KIF13B: variants seen among roughly 807,000 people sequenced by gnomAD.
The protein encoded by KIF13B is kinesin-like protein KIF13B.
KIF13B carries 127 observed loss-of-function variants against 222.0 expected under a neutral mutation model. The observed-to-expected ratio is 0.57, with a 90% confidence interval of 0.50 to 0.66. The LOEUF (loss-of-function observed/expected upper bound fraction) is 0.66, where lower values mean the gene tolerates loss of function less well. Among genes scored for constraint, KIF13B ranks in the 30% least tolerant of loss-of-function variants. The pLI is 0.00. For synonymous variants in KIF13B, 976 were observed against 919.0 expected, an observed-to-expected ratio of 1.06 and a Z score of -1.12; for missense variants, 2,173 against 2,379.0, an observed-to-expected ratio of 0.91 and a Z score of 1.80.
chr8:29,091,138 A>G (rs1808282034), intron 37 of KIF13B, among the ~76,000 whole-genome samples: 1 of 152,240 alleles, frequency 6.6e-6, no homozygotes, highest in Non-Finnish European at 1.5e-5. Context: ...AAAATTGCTT[A>G]TGAAATCTTC....
chr8:29,137,894 C>T (rs765360918), intron 21 of KIF13B, among the ~76,000 whole-genome samples: 4 of 152,194 alleles, frequency 2.6e-5, no homozygotes, highest in African/African-American at 4.8e-5. Flanking sequence ...ACTGAAGCGG[C>T]TCCCACTGGC....
chr8:29,140,213 G>A (rs1323275582), intron 20 of KIF13B, 22 bp from the exon 21 acceptor site: 2 of 1,612,838 alleles, frequency 1.2e-6, no homozygotes, highest in South Asian at 2.2e-5. Flanking sequence ...AGGGAAGGCA[G>A]AAACATTTCT....
At chr8:29,153,360 C>T (rs769042243) in intron 14 of KIF13B, among the ~76,000 whole-genome samples, 11 of 152,130 alleles carry the variant, frequency 7.2e-5, no homozygotes, top group Admixed American at 2.6e-4. Flanking sequence ...TTAAAGTCTT[C>T]GGTAACTTCC....
At chr8:29,245,464 CA>C in intron 1 of KIF13B, 25 bp from the exon 2 acceptor site, 1 of 1,493,232 alleles carries the variant, frequency 6.7e-7, no homozygotes, top group Non-Finnish European at 9.1e-7. Context: ...ACAAGAAAAA[CA>C]GTCATTTTAA....
In KIF13B at chr8:29,165,629, G is replaced by A. The variant is rs1325381734; in HGVS notation, c.1269+33C>T. ...GTCCCATTGTGCAAACTGCCATGAG[G>A]TTTCATGCGCTTCATCATCAGGAAA... On this transcript the variant is annotated intron_variant, in intron 12 of 39. Transcript: ENST00000524189. 7 of 1,419,096 alleles carry A rather than the reference G, an allele frequency of 4.9e-6. No individual in the cohort carries two copies. The East Asian group carries it at 1.1e-4, about 23-fold the overall frequency. The allele number at this position is 1,419,096 out of a possible 1,614,324, so 87.9% of individuals were successfully genotyped here.
At chr8:29,137,167 CCT>C (rs952812662) in intron 21 of KIF13B, among the ~76,000 whole-genome samples, 3 of 150,372 alleles carry the variant, frequency 2.0e-5, no homozygotes, top group African/African-American at 7.5e-5. Flanking sequence ...CATCTGAAAA[CCT>C]TTTTTTACCA....
In KIF13B at chr8:29,118,907, C is replaced by T; in HGVS notation, c.3621G>A (p.Glu1207=). ...GCTTCACAATCTGCAATTCAAAGAACTCCTCTTCTTCTTCCCCAGTCAAGG... is the reference window on the plus strand; with the variant it reads ...GCTTCACAATCTGCAATTCAAAGAATTCCTCTTCTTCTTCCCCAGTCAAGG... ...DATLTGEEEE[E]FFELQIVKQH... The change falls in exon 30 of 40, where the codon GAG becomes GAA. Residue 1207 remains glutamate, a synonymous_variant. Coordinates refer to ENST00000524189, the MANE Select transcript of KIF13B (RefSeq NM_015254.4). The T allele has an allele frequency of 6.2e-6, 10 of 1,613,934 alleles. No homozygotes were observed. Among genetic ancestry groups the T allele is most frequent in the Non-Finnish European group, 8.5e-6 (10 of 1,179,834 alleles).
At chr8:29,142,037 C>T in intron 19 of KIF13B, 120 bp downstream of exon 19, 1 of 669,312 alleles carries the variant, frequency 1.5e-6, no homozygotes, top group South Asian at 2.3e-5. Flanking sequence ...ATAAACCTTA[C>T]TCCAGAAATA....
intron 10 of KIF13B, among the ~76,000 whole-genome samples, chr8:29,171,937 T>C (rs1224146983): frequency 1.3e-5 from 2 of 151,424 alleles, no homozygotes; most frequent in Non-Finnish European, 2.9e-5. Flanking sequence ...TCTGTATTTT[T>C]AGTAGAGATG....
At chr8:29,126,591 T>C (rs1810120612) in intron 25 of KIF13B, 80 bp from the exon 26 acceptor site, 3 of 821,828 alleles carry the variant, frequency 3.7e-6, no homozygotes, top group East Asian at 2.7e-5. Flanking sequence ...TCTGACTCTT[T>C]ACCCATAATT....
intron 3 of KIF13B, among the ~76,000 whole-genome samples, chr8:29,193,169 C>T (rs372481363): frequency 6.6e-6 from 1 of 152,310 alleles, no homozygotes; most frequent in Non-Finnish European, 1.5e-5. Context: ...TGAAAGCAGA[C>T]CCCCAGCGGC....
At chr8:29,180,277 T>G in intron 7 of KIF13B, 39 bp from the exon 8 acceptor site, 1 of 1,604,810 alleles carries the variant, frequency 6.2e-7, no homozygotes, top group Non-Finnish European at 8.5e-7. Flanking sequence ...TTTCATTACT[T>G]GTGTAATACA....
intron 18 of KIF13B, among the ~76,000 whole-genome samples, chr8:29,142,876 C>T (rs1232611649): frequency 6.6e-6 from 1 of 151,334 alleles, no homozygotes; most frequent in Non-Finnish European, 1.5e-5. Context: ...TGTAAAGAGA[C>T]AGCATCTCAC....
At chr8:29,187,169 C>A (rs1021055927) in intron 5 of KIF13B, among the ~76,000 whole-genome samples, 1 of 152,106 alleles carries the variant, frequency 6.6e-6, no homozygotes, top group Non-Finnish European at 1.5e-5. Flanking sequence ...GACCCCAGAG[C>A]AAATTAACTC....
chr8:29,227,488 C>G (rs1322191561), intron 2 of KIF13B, among the ~76,000 whole-genome samples: 2 of 152,118 alleles, frequency 1.3e-5, no homozygotes, highest in Non-Finnish European at 2.9e-5. Context: ...TGGGGTTTCA[C>G]CATGTTGGAC....
chr8:29,165,013 A>C (rs1811931988), intron 12 of KIF13B, among the ~76,000 whole-genome samples: 1 of 152,068 alleles, frequency 6.6e-6, no homozygotes, highest in Non-Finnish European at 1.5e-5. Context: ...ACGCCTAGCT[A>C]ATTTTTGTGT....
At chr8:29,131,239 T>C (rs1810330492) in intron 23 of KIF13B, among the ~76,000 whole-genome samples, 1 of 151,290 alleles carries the variant, frequency 6.6e-6, no homozygotes, top group Admixed American at 6.6e-5. Context: ...ACTACCTGAG[T>C]GACAGGATCA....
chr8:29,179,195 C>G (rs558256945), intron 8 of KIF13B, among the ~76,000 whole-genome samples: 4 of 152,080 alleles, frequency 2.6e-5, no homozygotes, highest in South Asian at 4.2e-4. Flanking sequence ...TAGCTCACTG[C>G]AGTCTCAAGC....
chr8:29,196,121 T>A, intron 3 of KIF13B, 66 bp downstream of exon 3: 1 of 1,309,678 alleles, frequency 7.6e-7, no homozygotes, highest in Non-Finnish European at 1.1e-6. Context: ...GAAGAAAACT[T>A]CTAAGAGTTC....
Sources: allele counts gnomAD v4.1 joint callset (sites outside exome capture counted in the v4.1 genomes callset), GRCh38; gene constraint gnomAD v4.1.1; transcripts MANE v1.5; gene names NCBI Gene and HGNC (gene_info 2026-07-23, HGNC 2026-07-21).